Variants in ADGRB1 observed in about 807,000 individuals in gnomAD.
ADGRB1 encodes the protein brain-specific angiogenesis inhibitor 1.
Under a neutral mutation model 175.7 loss-of-function variants are expected in ADGRB1, and 36 were observed. The observed-to-expected ratio is 0.20, with a 90% CI of 0.16 to 0.27. ADGRB1 has a LOEUF of 0.27. Ranked by LOEUF, ADGRB1 falls within the 10% of genes least tolerant of loss-of-function variation. ADGRB1 has a pLI of 1.00. For missense variants in ADGRB1, 1,731 were observed against 2,255.3 expected (o/e 0.77, Z 4.71); for synonymous variants, 1,054 against 979.4 (o/e 1.08, Z -1.42).
At chr8:142,507,211 G>A (rs1480608125) in intron 17 of ADGRB1, among the ~76,000 whole-genome samples, 1 of 152,228 alleles carries the variant, frequency 6.6e-6, no homozygotes, top group Non-Finnish European at 1.5e-5. Context: ...GAGGTGCAGG[G>A]AAGGGTGAGG....
At chr8:142,453,051 C>T (rs1460222850) in intron 1 of ADGRB1, among the ~76,000 whole-genome samples, 23 of 142,536 alleles carry the variant, frequency 1.6e-4, no homozygotes, top group Non-Finnish European at 1.1e-4. Context: ...CCCGCTCGCT[C>T]GCTCGCTCGC....
chr8:142,517,758 CTG>C (rs1843528747), intron 18 of ADGRB1, among the ~76,000 whole-genome samples: 2 of 152,124 alleles, frequency 1.3e-5, no homozygotes, highest in Admixed American at 1.3e-4. Context: ...CCCAAGAGGA[CTG>C]TGCGTGTGGG....
chr8:142,515,172 G>A (rs1236037060), intron 18 of ADGRB1, among the ~76,000 whole-genome samples: 1 of 152,170 alleles, frequency 6.6e-6, no homozygotes, highest in African/African-American at 2.4e-5. Context: ...AGGAGAGCCC[G>A]GCGCCTGAAG....
chr8:142,511,894 C>T lies in ADGRB1; in HGVS notation c.2817+821C>T, dbSNP rs953829804. 3.9e-5 allele frequency among the ~76,000 whole-genome samples: 6 copies of T among 152,116 alleles called. No individual in the cohort carries two copies. The highest frequency in any genetic ancestry group is 1.4e-4 in the African/African-American group (6 of 41,416). ...CCTCCGCCCAGACCTCGTGTGGAAG[C>T]CTGGGAGGCAGCAGGGGTGGAGGAT... On this transcript the variant is annotated intron_variant, in intron 18 of 30. Coordinates refer to ENST00000517894, the MANE Select transcript of ADGRB1 (RefSeq NM_001702.3). The surrounding 1 kb of genome is among the most constrained non-coding windows in gnomAD (Gnocchi z 4.5).
chr8:142,486,857 A>C (rs770168855), intron 13 of ADGRB1, among the ~76,000 whole-genome samples: 108 of 151,764 alleles, frequency 7.1e-4, no homozygotes, highest in Non-Finnish European at 1.4e-3. Context: ...TGTCTCTACA[A>C]ATGTTTTTAA....
intron 2 of ADGRB1, among the ~76,000 whole-genome samples, chr8:142,468,937 C>G (rs139899499): frequency 5.6e-4 from 86 of 152,384 alleles, no homozygotes; most frequent in Non-Finnish European, 5.1e-4. Flanking sequence ...GACGTGCCCC[C>G]CAACGTGTAG....
intron 4 of ADGRB1, 134 bp from the exon 5 acceptor site, chr8:142,476,980 C>T (rs998214609): frequency 1.8e-5 from 23 of 1,279,736 alleles, no homozygotes; most frequent in Middle Eastern, 2.8e-4. Context: ...CAGCCTGGTT[C>T]GAAGGCCCGG....
At position 142,449,875 on chromosome 8, in the gene ADGRB1, G is replaced by T. The variant is rs1415364664; in HGVS notation, c.-449G>T. The T allele has an allele frequency of 6.8e-6, 1 of 147,496 alleles. No homozygotes were observed. The highest frequency in any genetic ancestry group is 1.5e-5 in the Non-Finnish European group (1 of 66,228). 9.1% of individuals were successfully genotyped at this position (147,496 alleles called of 1,614,324 possible). A position where few individuals can be genotyped will look rare whatever the true frequency, so the allele number is the denominator to read the frequency against. ...CATCCGGACCCTCCGGGCGCCCGGG[G>T]GGCTCCAGCAGGCGCGGGGGAACGG... On this transcript the variant is annotated 5_prime_UTR_variant, in exon 1 of 31. Transcript: ENST00000517894.
chr8:142,506,572 G>A (rs28668488), intron 17 of ADGRB1, among the ~76,000 whole-genome samples: 14,285 of 152,268 alleles, frequency 0.094, 1,256 homozygotes, highest in African/African-American at 0.24. Context: ...TCCCACGTGC[G>A]GGAGCAGTCG....
In ADGRB1 at chr8:142,464,746, G is replaced by A. The variant is rs1418324005; in HGVS notation, c.548G>A (p.Arg183His). Residue 183 changes from arginine to histidine, a missense_variant, in exon 2 of 31, where the codon CGT becomes CAT. This residue lies in a region of ADGRB1 where 383 missense variants were observed against 383.1 expected (regional missense o/e 1.00). Coordinates refer to ENST00000517894, the MANE Select transcript of ADGRB1 (RefSeq NM_001702.3). ...GTGGTGGGGAACCGCAACCCCAGCC[G>A]TGCCGCCTGCCAGATGCTGTGCCGC... ...YLVVGNRNPS[R>H]AACQMLCRWL... The A allele has an allele frequency of 3.3e-6, 5 of 1,534,336 alleles. No homozygotes were observed. Among genetic ancestry groups the A allele is most frequent in the Middle Eastern group, 1.7e-4 (1 of 5,840 alleles).
At chr8:142,515,540 C>A (rs1261989848) in intron 18 of ADGRB1, among the ~76,000 whole-genome samples, 1 of 152,150 alleles carries the variant, frequency 6.6e-6, no homozygotes, top group Non-Finnish European at 1.5e-5. Flanking sequence ...AGCCTCAGAG[C>A]AGGCGCGAGA....
intron 1 of ADGRB1, among the ~76,000 whole-genome samples, chr8:142,451,978 G>A (rs1476150667): frequency 6.6e-6 from 1 of 152,164 alleles, no homozygotes; most frequent in Non-Finnish European, 1.5e-5. Flanking sequence ...CGAAGGAGGG[G>A]GCGGGGGTTC....
chr8:142,543,627 C>T lies in ADGRB1; in HGVS notation c.4476C>T (p.His1492=). Residue 1492 remains histidine (H), a synonymous_variant, in exon 30 of 31, where the codon CAC becomes CAT. Coordinates refer to ENST00000517894, the MANE Select transcript of ADGRB1 (RefSeq NM_001702.3). This position sits in a 1 kb window ranked among gnomAD's most constrained non-coding sequence, Gnocchi z 4.4. Reference sequence around the variant, plus strand: ...AGATCATGCACACCCGGAAGCGGCACCAAGACATGTTCCAGGACCTGAACC... The same window carrying T: ...AGATCATGCACACCCGGAAGCGGCATCAAGACATGTTCCAGGACCTGAACC... The part of the protein sequence containing the change: ...FEKIMHTRKR[H]QDMFQDLNRK... 1 of 1,570,866 alleles carries T rather than the reference C, an allele frequency of 6.4e-7. No homozygotes were observed. The highest frequency in any genetic ancestry group is 8.6e-7 in the Non-Finnish European group (1 of 1,158,194).
At chr8:142,535,142 G>A (rs1844850472) in intron 25 of ADGRB1, among the ~76,000 whole-genome samples, 2 of 152,234 alleles carry the variant, frequency 1.3e-5, no homozygotes, top group Non-Finnish European at 2.9e-5. Flanking sequence ...AAATAGAAAA[G>A]ACGGAAATTG....
At chr8:142,507,516 C>G (rs571229215) in intron 17 of ADGRB1, among the ~76,000 whole-genome samples, 2 of 152,348 alleles carry the variant, frequency 1.3e-5, no homozygotes, top group East Asian at 1.9e-4. Flanking sequence ...CAGCCCGTCT[C>G]TCTCCCTGCC....
chr8:142,483,927 G>T, intron 11 of ADGRB1, 50 bp from the exon 12 acceptor site: 1 of 1,596,842 alleles, frequency 6.3e-7, no homozygotes, highest in South Asian at 1.1e-5. Context: ...AGTGAACGGT[G>T]ATTTTGTGCC....
At chr8:142,489,513 A>G (rs1294531665) in intron 16 of ADGRB1, 75 bp downstream of exon 16, 18 of 1,500,230 alleles carry the variant, frequency 1.2e-5, no homozygotes, top group Admixed American at 3.4e-5. Flanking sequence ...CTCCTCAGCC[A>G]CTAAGCCTTT....
At chr8:142,516,487 G>C (rs1422806193) in intron 18 of ADGRB1, among the ~76,000 whole-genome samples, 1 of 144,158 alleles carries the variant, frequency 6.9e-6, no homozygotes, top group African/African-American at 2.6e-5. Context: ...GTGTGCGCGC[G>C]CGTGTGTGCG....
rs576726464 is a variant in ADGRB1, at chr8:142,537,840, C to T, written c.3666+758C>T. Among the ~76,000 whole-genome samples the T allele has an allele frequency of 5.3e-5, 8 of 152,318 alleles. No individual in the cohort carries two copies. The highest frequency in any genetic ancestry group is 1.0e-4 in the Non-Finnish European group (7 of 68,010). On this transcript the variant is annotated intron_variant, in intron 26 of 30. Coordinates refer to ENST00000517894, the MANE Select transcript of ADGRB1 (RefSeq NM_001702.3). This position sits in a 1 kb window ranked among gnomAD's most constrained non-coding sequence, Gnocchi z 4.6. Reference sequence around the variant, plus strand: ...CCTCAACTCTTCCACACCTCGACCTCAGCATCTTCCTCCTGCAGCCTTGTG... The same window carrying T: ...CCTCAACTCTTCCACACCTCGACCTTAGCATCTTCCTCCTGCAGCCTTGTG...
Sources: gnomAD v4.1 joint callset for allele counts (sites outside exome capture counted in the v4.1 genomes callset) on GRCh38, gnomAD v4.1.1 for gene constraint, gnomAD v4.1.1 regional missense constraint, Gnocchi (gnomAD v3.1) non-coding constraint, MANE v1.5 for transcripts, NCBI Gene and HGNC (gene_info 2026-07-23, HGNC 2026-07-21) for gene names.